DYSF: variants seen among roughly 807,000 people sequenced by gnomAD.
The protein encoded by DYSF is dystrophy-associated fer-1-like 1.
Under a neutral mutation model 274.9 loss-of-function variants are expected in DYSF, and 212 were observed. The observed-to-expected ratio is 0.77, with a 90% CI of 0.69 to 0.86. The LOEUF is 0.86. Among genes scored for constraint, DYSF ranks in the 40% least tolerant of loss-of-function variants. DYSF has a pLI of 0.00. For missense variants in DYSF, 2,666 were observed against 2,783.2 expected (o/e 0.96, Z 0.95); for synonymous variants, 1,091 against 1,078.7 (o/e 1.01, Z -0.22).
rs555343068 is a variant in DYSF at position 71,600,828 on chromosome 2, A to C, written c.3883A>C (p.Ile1295Leu). Residue 1295 changes from isoleucine (I) to leucine (L), a missense_variant, in exon 34 of 56, where the codon ATC (isoleucine) becomes CTC (leucine). By Grantham distance (5) the Ile-to-Leu change is conservative. Around this residue, in one of 3 missense-constraint regions of DYSF, gnomAD observed 1,460 missense variants for 1,502.1 expected, o/e 0.97. Coordinates refer to ENST00000410020, the MANE Select transcript of DYSF (RefSeq NM_001130987.2). ...SGELLASFEL[I>L]QREKPAIHHI... The stretch of plus-strand genomic sequence containing the variant: ...GGAGCTGCTGGCCTCTTTTGAGCTC[A>C]TCCAGAGAGAGAAGGTGAGGCTGGT... The C allele has an allele frequency of 8.3e-5, 134 of 1,611,922 alleles. 1 individual carries two copies. In the South Asian group the frequency reaches 1.4e-3, roughly 16 times the overall value.
Position 71,526,249 on chromosome 2 carries a change from G to A in DYSF, c.1179G>A (p.Lys393=). Residue 393 remains lysine (K), a synonymous_variant, in exon 13 of 56, where the codon AAG becomes AAA. Coordinates refer to ENST00000410020, the MANE Select transcript of DYSF (RefSeq NM_001130987.2). The part of the protein sequence containing the change: ...PLERKDPSED[K]EDIESNLLRP... ...AGAGAAAAGACCCCTCTGAAGACAA[G>A]GAGGACATTGAAAGCAACCTGCTCC... 1 of 1,614,232 alleles carries A rather than the reference G, an allele frequency of 6.2e-7. No homozygotes were observed. Among genetic ancestry groups the A allele is most frequent in the Non-Finnish European group, 8.5e-7 (1 of 1,180,028 alleles).
At chr2:71,526,576 T>A (rs914551872) in intron 13 of DYSF, among the ~76,000 whole-genome samples, 3 of 152,238 alleles carry the variant, frequency 2.0e-5, no homozygotes, top group Non-Finnish European at 2.9e-5. Flanking sequence ...CTGGGCCTGG[T>A]CTGGCAATAT....
At chr2:71,654,886 C>G (rs1304979838) in intron 42 of DYSF, among the ~76,000 whole-genome samples, 2 of 152,012 alleles carry the variant, frequency 1.3e-5, no homozygotes, top group Non-Finnish European at 2.9e-5. Context: ...TGAGACCAAC[C>G]TGGGCAACAT....
At chr2:71,563,628 G>A (rs1027947912) in intron 23 of DYSF, among the ~76,000 whole-genome samples, 6 of 152,148 alleles carry the variant, frequency 3.9e-5, no homozygotes, top group African/African-American at 4.8e-5. Flanking sequence ...ATCTGTTCCC[G>A]CTCTTGGGGC....
At chr2:71,530,399 G>C (rs149925855) in intron 14 of DYSF, among the ~76,000 whole-genome samples, 1 of 152,166 alleles carries the variant, frequency 6.6e-6, no homozygotes, top group African/African-American at 2.4e-5. Flanking sequence ...CGGGGCTCCG[G>C]GCTGCTCCTG....
In DYSF at chr2:71,625,656, C is replaced by T. The variant is rs558780262; in HGVS notation, c.4527+5047C>T. On this transcript the variant is annotated intron_variant, in intron 41 of 55. Transcript: ENST00000410020. The stretch of plus-strand genomic sequence containing the variant: ...GCTATTCTAGTCCTTTGCTTTTCCA[C>T]TTCAGTTTTAGAATCAGCTTGTCAA... Among the ~76,000 whole-genome samples, 28 of 152,132 alleles carry T rather than the reference C, an allele frequency of 1.8e-4. 1 individual carries two copies. In the South Asian group the frequency reaches 5.4e-3, roughly 29 times the overall value.
intron 41 of DYSF, among the ~76,000 whole-genome samples, chr2:71,630,642 G>T (rs1441522737): frequency 6.6e-6 from 1 of 152,246 alleles, no homozygotes; most frequent in Non-Finnish European, 1.5e-5. Flanking sequence ...TAGGCTCAGT[G>T]AGTGGGAAGC....
intron 19 of DYSF, 87 bp from the exon 20 acceptor site, chr2:71,552,924 G>A (rs981460223): frequency 1.9e-5 from 27 of 1,430,806 alleles, no homozygotes; most frequent in Middle Eastern, 3.5e-4. Context: ...GGTTATGGCC[G>A]GGGCCTGCCA....
At chr2:71,453,838 C>T in exon 1 of DYSF, 2 of 754,844 alleles carry the variant, frequency 2.6e-6, no homozygotes, top group Non-Finnish European at 4.6e-6. Context: ...GGCCCGTTCC[C>T]CTTTAAGAGC....
intron 42 of DYSF, among the ~76,000 whole-genome samples, chr2:71,654,933 A>C (rs1156354179): frequency 6.6e-6 from 1 of 152,064 alleles, no homozygotes; most frequent in Non-Finnish European, 1.5e-5. Flanking sequence ...AAATAAAATA[A>C]AAAATATAAA....
At position 71,551,090 on chromosome 2, in the gene DYSF, C is replaced by T. The variant is rs139495331; in HGVS notation, c.1626C>T (p.Asn542=). ...CCACTTTTGGGCCCTGCTACATCAA[C>T]CTCTATGGCAGTCCCAGAGAGTTCA... is the stretch of plus-strand genomic sequence containing the variant. ...FLPTFGPCYI[N]LYGSPREFTG... Residue 542 remains asparagine (N), a synonymous_variant, in exon 18 of 56, where the codon AAC becomes AAT. Coordinates refer to ENST00000410020, the MANE Select transcript of DYSF (RefSeq NM_001130987.2). 502 of 1,614,172 alleles carry T rather than the reference C, an allele frequency of 3.1e-4. No individual in the cohort carries two copies. The African/African-American group carries it at 5.9e-3, about 19-fold the overall frequency.
rs748192393 is a variant in DYSF, at chr2:71,612,630, C to T, written c.4222-11C>T. ...GGATTCAGGCCAGTGCGTTCTTCCTCCTCCACCCAGATGCTGCCCAGGGAG... is the reference window on the plus strand; with the variant it reads ...GGATTCAGGCCAGTGCGTTCTTCCTTCTCCACCCAGATGCTGCCCAGGGAG... On this transcript the variant is annotated splice_polypyrimidine_tract_variant and intron_variant, in intron 38 of 55. Transcript: ENST00000410020. 13 of 1,613,694 alleles carry T rather than the reference C, an allele frequency of 8.1e-6. No individual in the cohort carries two copies. The East Asian group carries it at 1.1e-4, about 14-fold the overall frequency.
At chr2:71,455,780 G>T (rs2081036885) in intron 1 of DYSF, among the ~76,000 whole-genome samples, 1 of 152,136 alleles carries the variant, frequency 6.6e-6, no homozygotes, top group Non-Finnish European at 1.5e-5. Context: ...CTCAGCTGCA[G>T]CAGCCCCTGC....
At chr2:71,528,230 TG>T in intron 13 of DYSF, 67 bp from the exon 14 acceptor site, 1 of 1,403,398 alleles carries the variant, frequency 7.1e-7, no homozygotes, top group Non-Finnish European at 1.0e-6. Flanking sequence ...TGGAGACAGA[TG>T]GGGGACAGTC....
intron 1 of DYSF, among the ~76,000 whole-genome samples, chr2:71,455,965 T>A (rs1232616417): frequency 6.6e-6 from 1 of 152,110 alleles, no homozygotes; most frequent in East Asian, 1.9e-4. Flanking sequence ...GAATGAATAA[T>A]AAATGGCAGG....
Position 71,670,078 on chromosome 2 carries a change from C to T in DYSF, c.5784+332C>T, listed in dbSNP as rs1017091758. ...ACTGTTCTGTCATTCATGGCACTACCGTGGTCCCACCCCTGCTGTCATTAC... is the reference window on the plus strand; with the variant it reads ...ACTGTTCTGTCATTCATGGCACTACTGTGGTCCCACCCCTGCTGTCATTAC... On this transcript the variant is annotated intron_variant, in intron 51 of 55. Transcript: ENST00000410020. Among the ~76,000 whole-genome samples the T allele has an allele frequency of 9.8e-5, 15 of 152,312 alleles. No homozygotes were observed. In the East Asian group the frequency reaches 2.9e-3, roughly 29 times the overall value.
At chr2:71,477,481 C>T (rs901589045) in intron 1 of DYSF, among the ~76,000 whole-genome samples, 10 of 152,222 alleles carry the variant, frequency 6.6e-5, no homozygotes, top group Admixed American at 2.6e-4. Flanking sequence ...AAAAAACAGG[C>T]TGTAAGACAG....
intron 36 of DYSF, among the ~76,000 whole-genome samples, chr2:71,609,068 T>G (rs1376853489): frequency 1.3e-5 from 2 of 152,126 alleles, no homozygotes; most frequent in Non-Finnish European, 2.9e-5. Context: ...GAGGACACCC[T>G]GCTGTGCTGC....
At chr2:71,495,043 G>A (rs2084238091) in intron 3 of DYSF, among the ~76,000 whole-genome samples, 1 of 152,196 alleles carries the variant, frequency 6.6e-6, no homozygotes, top group Non-Finnish European at 1.5e-5. Context: ...GGGGAAGAAG[G>A]GAACTGACAC....
Sources: gnomAD v4.1 joint callset for allele counts (sites outside exome capture counted in the v4.1 genomes callset) on GRCh38, gnomAD v4.1.1 for gene constraint, gnomAD v4.1.1 regional missense constraint, MANE v1.5 for transcripts, NCBI Gene and HGNC (gene_info 2026-07-23, HGNC 2026-07-21) for gene names.